TRMT112: variants seen among roughly 807,000 people sequenced by gnomAD.
TRMT112 encodes multifunctional methyltransferase subunit TRM112-like protein.
TRMT112 carries 9 observed loss-of-function variants against 13.8 expected under a neutral mutation model. The observed-to-expected ratio is 0.65, with a 90% CI of 0.39 to 1.14. TRMT112 has a LOEUF of 1.14. TRMT112 is among the 50% of genes most tolerant of loss of function. The pLI is 0.01. For missense variants in TRMT112, 196 were observed against 165.5 expected, an observed-to-expected ratio of 1.18 and a Z score of -1.01; for synonymous variants, 64 against 67.0, an observed-to-expected ratio of 0.96 and a Z score of 0.22.
chr11:64,317,258 C>A lies in TRMT112; in HGVS notation c.180+6G>T. 6.2e-7 allele frequency: 1 copy of A among 1,610,158 alleles called. No individual in the cohort carries two copies. Among genetic ancestry groups the A allele is most frequent in the African/African-American group, 1.3e-5 (1 of 74,966 alleles). ...GGATATGCTGGGGCGGGGTAAGGAT[C>A]CTCACGTTATCGGCCGCCTCCAGGA... On this transcript the variant is annotated splice_donor_region_variant and intron_variant, in intron 2 of 3. Transcript: ENST00000544844.
chr11:64,318,413 C>T (rs767636968), upstream of TRMT112: 1 of 1,586,928 alleles, frequency 6.3e-7, no homozygotes, highest in South Asian at 1.1e-5. Flanking sequence ...CCGGGCCTGA[C>T]ATCCCCCACT....
upstream of TRMT112, chr11:64,318,117 C>T (rs751745501): frequency 4.2e-5 from 65 of 1,531,128 alleles, no homozygotes; most frequent in Non-Finnish European, 5.5e-5. Flanking sequence ...CGGCCCAGGC[C>T]CGCCTTCCGC....
chr11:64,317,359 C>T lies in TRMT112; in HGVS notation c.85G>A (p.Glu29Lys), dbSNP rs768451942. The change falls in exon 2 of 4, where the codon GAG becomes AAG. Residue 29 changes from glutamate (E) to lysine (K), a missense_variant. Transcript: ENST00000544844. ...RGFPLRLQAT[E>K]VRICPVEFNP... Reference sequence around the variant, plus strand: ...AATTCCACAGGGCAGATACGGACCTCGGTGGCCTGCAGGGCGGAGGAGTTT... The same window carrying T: ...AATTCCACAGGGCAGATACGGACCTTGGTGGCCTGCAGGGCGGAGGAGTTT... 2.4e-5 allele frequency: 38 copies of T among 1,614,056 alleles called. 1 individual carries two copies. The highest frequency in any genetic ancestry group is 1.6e-4 in the Middle Eastern group (1 of 6,084).
chr11:64,317,826 C>G, upstream of TRMT112: 1 of 842,414 alleles, frequency 1.2e-6, no homozygotes, highest in Non-Finnish European at 1.7e-6. Flanking sequence ...CAGGAGCTCT[C>G]GTTGAATGCA....
chr11:64,317,028 C>A, intron 3 of TRMT112, 30 bp downstream of exon 3: 10 of 1,613,868 alleles, frequency 6.2e-6, no homozygotes, highest in Non-Finnish European at 7.6e-6. Flanking sequence ...GGCAGGTGGC[C>A]CGGGAAGCAA....
rs1364600564 is a variant in TRMT112 at position 64,316,725 on chromosome 11, A to G, written c.*136T>C. The G allele has an allele frequency of 3.1e-5, 20 of 649,656 alleles. No individual in the cohort carries two copies. Among genetic ancestry groups the G allele is most frequent in the Middle Eastern group, 4.2e-4 (1 of 2,386 alleles). 40.2% of individuals were successfully genotyped at this position (649,656 alleles called of 1,614,324 possible). A position where few individuals can be genotyped will look rare whatever the true frequency, so the allele number is the denominator to read the frequency against. Reference sequence around the variant, plus strand: ...TAAACCTTTAATGAGAAAAAAATATATAATACCGAGCTCAAAAACACTGTG... The same window carrying G: ...TAAACCTTTAATGAGAAAAAAATATGTAATACCGAGCTCAAAAACACTGTG... On this transcript the variant is annotated 3_prime_UTR_variant, in exon 4 of 4. Transcript: ENST00000544844.
Position 64,317,511 on chromosome 11 carries a change from G to T in TRMT112, c.16C>A (p.His6Asn). The T allele has an allele frequency of 1.9e-6, 3 of 1,584,818 alleles. No homozygotes were observed. The highest frequency in any genetic ancestry group is 1.7e-6 in the Non-Finnish European group (2 of 1,161,062). MKLLT[H>N]NLLSSHVRGV... ...CGCACATGCGAGCTCAGCAGATTGTGGGTAAGCAGTTTCATGTCGCCGCAC... is the reference window on the plus strand; with the variant it reads ...CGCACATGCGAGCTCAGCAGATTGTTGGTAAGCAGTTTCATGTCGCCGCAC... Residue 6 changes from histidine to asparagine, a missense_variant, in exon 1 of 4, where the codon CAC becomes AAC. By Grantham distance (68) the His-to-Asn change is moderately conservative (BLOSUM62 1). Transcript: ENST00000544844.
chr11:64,318,074 T>C (rs1253323805), upstream of TRMT112: 1 of 1,449,266 alleles, frequency 6.9e-7, no homozygotes, highest in African/African-American at 1.4e-5. Flanking sequence ...AGCTCTGTTC[T>C]GCGGGTGGCC....
chr11:64,317,659 CGT>C (rs1036801217), upstream of TRMT112: 37 of 1,042,314 alleles, frequency 3.5e-5, no homozygotes, highest in African/African-American at 5.8e-4. Context: ...TGGAACTTCT[CGT>C]GTTTGTGGGA....
upstream of TRMT112, chr11:64,317,584 C>A (rs10128595): frequency 0.024 from 35,644 of 1,469,466 alleles, 3,128 homozygotes; most frequent in African/African-American, 0.22. Context: ...TCCGCTGCCT[C>A]ACTTCCGGGG....
chr11:64,316,627 G>C lies in TRMT112; in HGVS notation c.*234C>G, dbSNP rs11541032. 2.0e-6 allele frequency: 1 copy of C among 508,540 alleles called. No homozygotes were observed. Among genetic ancestry groups the C allele is most frequent in the East Asian group, 3.6e-5 (1 of 27,546 alleles). 31.5% of individuals were successfully genotyped at this position (508,540 alleles called of 1,614,324 possible). The stretch of plus-strand genomic sequence containing the variant: ...GCGCAGGGACATGGGGCAAGCCAGG[G>C]CCCAGAGCCCTTGGCTGTACAGAGA... On this transcript the variant is annotated 3_prime_UTR_variant, in exon 4 of 4. Transcript: ENST00000544844.
At chr11:64,318,380 A>C, upstream of TRMT112, 1 of 1,606,634 alleles carries the variant, frequency 6.2e-7, no homozygotes, top group Non-Finnish European at 8.5e-7. Context: ...CCATGGCCCC[A>C]ATCAAGGTGA....
upstream of TRMT112, chr11:64,318,124 C>T: frequency 3.2e-6 from 5 of 1,549,200 alleles, no homozygotes; most frequent in Admixed American, 8.2e-5. Context: ...GGCCCGCCTT[C>T]CGCAGGGTGT....
Position 64,316,616 on chromosome 11 carries a change from G to A in TRMT112, c.*245C>T, listed in dbSNP as rs373707219. On this transcript the variant is annotated 3_prime_UTR_variant, in exon 4 of 4. Coordinates refer to ENST00000544844, the MANE Select transcript of TRMT112 (RefSeq NM_016404.3). ...TGGCCAGGGAGGCGCAGGGACATGG[G>A]GCAAGCCAGGGCCCAGAGCCCTTGG... 2.7e-4 allele frequency: 133 copies of A among 484,260 alleles called. No individual in the cohort carries two copies. Among genetic ancestry groups the A allele is most frequent in the African/African-American group, 2.5e-3 (126 of 51,264 alleles). The allele number at this position is 484,260 out of a possible 1,614,324, so 30.0% of individuals were successfully genotyped here. A position where few individuals can be genotyped will look rare whatever the true frequency, so the allele number is the denominator to read the frequency against.
chr11:64,318,077 G>T (rs2035356168), upstream of TRMT112: 5 of 1,450,422 alleles, frequency 3.4e-6, no homozygotes, highest in South Asian at 7.3e-5. Context: ...TCTGTTCTGC[G>T]GGTGGCCGCT....
chr11:64,317,122 C>A lies in TRMT112; in HGVS notation c.206G>T (p.Gly69Val), dbSNP rs1303983618. The A allele has an allele frequency of 6.2e-7, 1 of 1,614,170 alleles. No individual in the cohort carries two copies. Among genetic ancestry groups the A allele is most frequent in the Middle Eastern group, 1.6e-4 (1 of 6,062 alleles). The change falls in exon 3 of 4, where the codon GGG (glycine) becomes GTG (valine). Residue 69 changes from glycine to valine, a missense_variant. By Grantham distance (109) the Gly-to-Val change is moderately radical. Coordinates refer to ENST00000544844, the MANE Select transcript of TRMT112 (RefSeq NM_016404.3). ...DNLRLIQVPK[G>V]PVEGYEENEE... ...ATTCTCCTCATATCCCTCAACCGGC[C>A]CTTTCGGCACCTGGATCAGACGCAA...
chr11:64,317,909 C>T, upstream of TRMT112: 1 of 1,357,992 alleles, frequency 7.4e-7, no homozygotes, highest in Non-Finnish European at 9.5e-7. Context: ...GGTTAAGGGG[C>T]AGAAATACCG....
In TRMT112 at chr11:64,316,870, A is replaced by G; in HGVS notation, c.369T>C (p.Thr123=). The stretch of plus-strand genomic sequence containing the variant: ...CTGGCGCCTGGCACAATCAACTCTC[A>G]GTTTCCTCTTCACTCAGCAGCATGT... ...IPNMLLSEEE[T]ES Residue 123 remains threonine, a synonymous_variant, in exon 4 of 4, where the codon ACT becomes ACC. Coordinates refer to ENST00000544844, the MANE Select transcript of TRMT112 (RefSeq NM_016404.3). The G allele has an allele frequency of 6.3e-7, 1 of 1,585,540 alleles. No individual in the cohort carries two copies. The highest frequency in any genetic ancestry group is 8.7e-7 in the Non-Finnish European group (1 of 1,155,580).
chr11:64,316,580 A>C lies in TRMT112; in HGVS notation c.*281T>G. On this transcript the variant is annotated 3_prime_UTR_variant, in exon 4 of 4. Coordinates refer to ENST00000544844, the MANE Select transcript of TRMT112 (RefSeq NM_016404.3). ...CCTGCAGAGCAATAACACTATATTT[A>C]TTTTTGGGTTTGGCCAGGGAGGCGC... 1 of 383,492 alleles carries C rather than the reference A, an allele frequency of 2.6e-6. No individual in the cohort carries two copies. Among genetic ancestry groups the C allele is most frequent in the Non-Finnish European group, 4.8e-6 (1 of 207,756 alleles). The allele number at this position is 383,492 out of a possible 1,614,324, so 23.8% of individuals were successfully genotyped here.
Sources: gnomAD v4.1 joint callset for allele counts on GRCh38, gnomAD v4.1.1 for gene constraint, MANE v1.5 for transcripts, NCBI Gene and HGNC (gene_info 2026-07-23, HGNC 2026-07-21) for gene names.